CACNA2D1: variants seen among roughly 807,000 people sequenced by gnomAD.
CACNA2D1 encodes voltage-dependent calcium channel subunit alpha-2/delta-1.
CACNA2D1 carries 53 observed loss-of-function variants against 171.5 expected under a neutral mutation model. The ratio of observed to expected loss-of-function variants is 0.31; its 90% CI spans 0.25 to 0.39. CACNA2D1 has a LOEUF of 0.39. CACNA2D1 is among the 10% of genes least tolerant of loss of function. CACNA2D1 has a pLI of 1.00. For synonymous variants in CACNA2D1, 442 were observed against 443.1 expected (o/e 1.00, Z 0.03); for missense variants, 903 against 1,299.8 (o/e 0.69, Z 4.69).
At chr7:82,373,467 C>T (rs74330347) in intron 1 of CACNA2D1, among the ~76,000 whole-genome samples, 5,607 of 152,246 alleles carry the variant, frequency 0.037, 153 homozygotes, top group Middle Eastern at 0.075. Context: ...TTTTTAAGAA[C>T]TTAATTTTCT....
At chr7:82,021,213 T>A (rs1052558112) in intron 12 of CACNA2D1, 1 of 152,154 alleles carries the variant, frequency 6.6e-6, no homozygotes, top group Non-Finnish European at 1.5e-5. Flanking sequence ...GAGGTCAGAA[T>A]ATAAGCTGTA....
intron 3 of CACNA2D1, among the ~76,000 whole-genome samples, chr7:82,274,073 A>T (rs915394537): frequency 6.6e-6 from 1 of 152,092 alleles, no homozygotes; most frequent in Non-Finnish European, 1.5e-5. Flanking sequence ...GCACTTGCTC[A>T]TTAAGCTCCA....
At chr7:82,442,973 C>T (rs927991863) in intron 1 of CACNA2D1, among the ~76,000 whole-genome samples, 2 of 152,240 alleles carry the variant, frequency 1.3e-5, no homozygotes, top group African/African-American at 4.8e-5. Context: ...TGTAAATTAC[C>T]CAACCAAAAC....
chr7:82,012,076 A>T, intron 15 of CACNA2D1, 78 bp downstream of exon 15: 1 of 900,752 alleles, frequency 1.1e-6, no homozygotes, highest in Admixed American at 1.7e-5. Flanking sequence ...GAAAACAGAG[A>T]CATCATCTAG....
chr7:82,065,686 C>A (rs78770916), intron 8 of CACNA2D1, among the ~76,000 whole-genome samples: 3 of 152,220 alleles, frequency 2.0e-5, no homozygotes, highest in East Asian at 3.9e-4. Flanking sequence ...ATAACCTAAA[C>A]GTCCAATAAT....
At chr7:82,352,894 T>C (rs1820017197) in intron 1 of CACNA2D1, among the ~76,000 whole-genome samples, 1 of 152,062 alleles carries the variant, frequency 6.6e-6, no homozygotes. Context: ...GCAAAAGGTA[T>C]GGAATGAGGG....
chr7:82,000,525 A>G (rs1472066329), intron 18 of CACNA2D1, among the ~76,000 whole-genome samples: 1 of 152,134 alleles, frequency 6.6e-6, no homozygotes, highest in Non-Finnish European at 1.5e-5. Flanking sequence ...CTAGCACTCA[A>G]TTCTACTAAT....
Position 81,982,605 on chromosome 7 carries a change from A to T in CACNA2D1, c.1917T>A (p.Asp639Glu). The change falls in exon 24 of 39, where the codon GAT (aspartate) becomes GAA (glutamate). Residue 639 changes from aspartate (D) to glutamate (E), a missense_variant. By Grantham distance (45) the Asp-to-Glu change is conservative. Around this residue, in one of 5 missense-constraint regions of CACNA2D1, gnomAD observed 623 missense variants for 925.5 expected, o/e 0.67. Coordinates refer to ENST00000356860, the MANE Select transcript of CACNA2D1 (RefSeq NM_000722.4). Reference protein sequence around the residue: ...KMKDSETLKPDNFEESGYTFI... With the variant: ...KMKDSETLKPENFEESGYTFI... Reference sequence around the variant, plus strand: ...ATGTATAGCCAGATTCTTCAAAATTATCTGGCTTCAGGGTTTCCGAATCTG... The same window carrying T: ...ATGTATAGCCAGATTCTTCAAAATTTTCTGGCTTCAGGGTTTCCGAATCTG... 1 of 1,608,834 alleles carries T rather than the reference A, an allele frequency of 6.2e-7. No individual in the cohort carries two copies. Among genetic ancestry groups the T allele is most frequent in the Non-Finnish European group, 8.5e-7 (1 of 1,175,536 alleles).
At chr7:81,956,343 T>G (rs1212556526) in intron 38 of CACNA2D1, among the ~76,000 whole-genome samples, 2 of 152,012 alleles carry the variant, frequency 1.3e-5, no homozygotes, top group Non-Finnish European at 2.9e-5. Context: ...TTACATATTT[T>G]TTAGTGTAAC....
intron 6 of CACNA2D1, among the ~76,000 whole-genome samples, chr7:82,097,239 A>G (rs1276057835): frequency 6.6e-6 from 1 of 152,156 alleles, no homozygotes; most frequent in Non-Finnish European, 1.5e-5. Context: ...GTTATTAGAG[A>G]GACATGATTA....
chr7:82,118,595 T>C lies in CACNA2D1; in HGVS notation c.397-1422A>G, dbSNP rs567165815. On this transcript the variant is annotated intron_variant, in intron 5 of 38. Coordinates refer to ENST00000356860, the MANE Select transcript of CACNA2D1 (RefSeq NM_000722.4). ...TATATTTGTGATAAGAATAAACTAT[T>C]AAGGTTTAAGTCTTTTCTATTAATA... 2.0e-5 allele frequency among the ~76,000 whole-genome samples: 3 copies of C among 152,182 alleles called. No individual in the cohort carries two copies. In the East Asian group the frequency reaches 5.8e-4, roughly 29 times the overall value.
chr7:82,329,929 T>C (rs1817103407), intron 3 of CACNA2D1, among the ~76,000 whole-genome samples: 1 of 152,110 alleles, frequency 6.6e-6, no homozygotes, highest in African/African-American at 2.4e-5. Context: ...ATAAGAACAT[T>C]GGTCTTCTGA....
intron 6 of CACNA2D1, among the ~76,000 whole-genome samples, chr7:82,104,536 T>G (rs891121492): frequency 6.6e-6 from 1 of 152,078 alleles, no homozygotes; most frequent in African/African-American, 2.4e-5. Context: ...AAATGTTCAC[T>G]GAATATCACC....
At chr7:82,407,188 C>T (rs1344193793) in intron 1 of CACNA2D1, among the ~76,000 whole-genome samples, 1 of 152,128 alleles carries the variant, frequency 6.6e-6, no homozygotes, top group East Asian at 1.9e-4. Context: ...ATCTGCTTAC[C>T]AGAGAGCACA....
At chr7:82,325,479 T>C (rs1816537430) in intron 3 of CACNA2D1, among the ~76,000 whole-genome samples, 2 of 108,712 alleles carry the variant, frequency 1.8e-5, no homozygotes, top group Admixed American at 1.9e-4. Context: ...TTTTTAGTTA[T>C]AATAAGTACA....
At chr7:82,425,854 C>T (rs911689833) in intron 1 of CACNA2D1, among the ~76,000 whole-genome samples, 4 of 149,698 alleles carry the variant, frequency 2.7e-5, no homozygotes, top group East Asian at 2.2e-4. Context: ...TGGGGCTGGG[C>T]GTGGTGGCTC....
intron 5 of CACNA2D1, among the ~76,000 whole-genome samples, chr7:82,124,930 C>A (rs1290267347): frequency 2.0e-5 from 3 of 151,940 alleles, no homozygotes; most frequent in Non-Finnish European, 4.4e-5. Context: ...TAGATTTTTC[C>A]TTTTTCTTTA....
At chr7:82,063,876 T>C (rs1487934343) in intron 9 of CACNA2D1, among the ~76,000 whole-genome samples, 2 of 151,334 alleles carry the variant, frequency 1.3e-5, no homozygotes, top group African/African-American at 2.4e-5. Flanking sequence ...TTTTTTTTTC[T>C]TTTCTGAGAC....
intron 1 of CACNA2D1, among the ~76,000 whole-genome samples, chr7:82,353,603 T>C (rs1820091906): frequency 2.0e-5 from 3 of 151,614 alleles, no homozygotes; most frequent in African/African-American, 7.3e-5. Context: ...AAAGAACAAA[T>C]AGAGGAACCT....
Sources: allele counts gnomAD v4.1 joint callset (sites outside exome capture counted in the v4.1 genomes callset), GRCh38; gene constraint gnomAD v4.1.1; regional missense constraint gnomAD v4.1.1; transcripts MANE v1.5; gene names NCBI Gene and HGNC (gene_info 2026-07-23, HGNC 2026-07-21).